The following MTRR variants were observed in gnomAD, a reference collection of about 807,000 sequenced individuals.
The protein encoded by MTRR is methionine synthase reductase.
A neutral mutation model predicts 79.2 loss-of-function variants in MTRR; 63 were observed. The ratio of observed to expected loss-of-function variants is 0.80; its 90% CI spans 0.65 to 0.98. The LOEUF is 0.98. Ranked by LOEUF, MTRR falls within the 50% of genes least tolerant of loss-of-function variation. MTRR has a pLI of 0.00. For missense variants in MTRR, 895 were observed against 839.6 expected (o/e 1.07, Z -0.82); for synonymous variants, 355 against 313.3 (o/e 1.13, Z -1.41).
At chr5:7,867,115 C>T, upstream of MTRR, 1 of 1,614,150 alleles carries the variant, frequency 6.2e-7, no homozygotes. Context: ...GGACATGCCT[C>T]ACGACATATT....
intron 4 of MTRR, 72 bp downstream of exon 4, chr5:7,875,447 C>T: frequency 5.5e-6 from 7 of 1,268,282 alleles, no homozygotes; most frequent in Non-Finnish European, 8.1e-6. Context: ...TAAAACATGT[C>T]AGCTTTTCAC....
Position 7,877,873 on chromosome 5 carries a change from A to G in MTRR, c.402-71A>G, listed in dbSNP as rs1033156852. The G allele has an allele frequency of 6.9e-6, 11 of 1,595,416 alleles. No individual in the cohort carries two copies. In the South Asian group the frequency reaches 1.0e-4, roughly 14 times the overall value. On this transcript the variant is annotated intron_variant, in intron 4 of 14. Coordinates refer to ENST00000440940, the MANE Select transcript of MTRR (RefSeq NM_002454.3). Reference sequence around the variant, plus strand: ...TACTTTGCCAAATGGACAGACTGTCATTATCCTGTTCTGTGTTCAGATGGA... The same window carrying G: ...TACTTTGCCAAATGGACAGACTGTCGTTATCCTGTTCTGTGTTCAGATGGA...
At position 7,899,854 on chromosome 5, in the gene MTRR, A is replaced by T. The variant is rs1739192971; in HGVS notation, c.1953-60A>T. 8 of 1,593,404 alleles carry T rather than the reference A, an allele frequency of 5.0e-6. No homozygotes were observed. In the South Asian group the frequency reaches 5.5e-5, roughly 11 times the overall value. On this transcript the variant is annotated intron_variant, in intron 14 of 14. Coordinates refer to ENST00000440940, the MANE Select transcript of MTRR (RefSeq NM_002454.3). Reference sequence around the variant, plus strand: ...TCAAAAGGAATTAGACTTGTGAATTAAGGAGGATTTACTAAAAATGCCTGT... The same window carrying T: ...TCAAAAGGAATTAGACTTGTGAATTTAGGAGGATTTACTAAAAATGCCTGT...
At chr5:7,878,564 G>C (rs1428726901) in intron 5 of MTRR, among the ~76,000 whole-genome samples, 1 of 152,256 alleles carries the variant, frequency 6.6e-6, no homozygotes, top group Non-Finnish European at 1.5e-5. Context: ...ACAGGGGCCT[G>C]CAATGCCTAA....
rs1244377395 is a variant in MTRR at position 7,900,556 on chromosome 5, A to C, written c.*498A>C. On this transcript the variant is annotated 3_prime_UTR_variant, in exon 15 of 15. Coordinates refer to ENST00000440940, the MANE Select transcript of MTRR (RefSeq NM_002454.3). ...TGTAGAGCATATCTGTTATATGTTT[A>C]TGTAACTATCAAATGGTTATTTGTT... 1.9e-5 allele frequency: 3 copies of C among 155,706 alleles called. No individual in the cohort carries two copies. Among genetic ancestry groups the C allele is most frequent in the Non-Finnish European group, 4.3e-5 (3 of 69,862 alleles). The allele number at this position is 155,706 out of a possible 1,614,324, so 9.6% of individuals were successfully genotyped here. A position where few individuals can be genotyped will look rare whatever the true frequency, so the allele number is the denominator to read the frequency against.
At chr5:7,866,008 T>A (rs1319960569), upstream of MTRR, 1 of 1,570,118 alleles carries the variant, frequency 6.4e-7, no homozygotes, top group South Asian at 1.1e-5. Flanking sequence ...ATCCCAGTCA[T>A]AGTTACGTCT....
intron 1 of MTRR, among the ~76,000 whole-genome samples, chr5:7,855,168 G>C (rs1746203479): frequency 6.6e-6 from 1 of 152,144 alleles, no homozygotes; most frequent in Non-Finnish European, 1.5e-5. Context: ...ATCTCTAAAA[G>C]TCATACGTGG....
intron 14 of MTRR, among the ~76,000 whole-genome samples, chr5:7,897,903 C>T (rs1338694637): frequency 6.6e-6 from 1 of 150,652 alleles, no homozygotes; most frequent in African/African-American, 2.4e-5. Flanking sequence ...TTAACACATT[C>T]TCTAAGTCAG....
intron 1 of MTRR, chr5:7,861,697 A>C: frequency 6.3e-7 from 1 of 1,585,534 alleles, no homozygotes; most frequent in Non-Finnish European, 8.6e-7. Context: ...ATACCCTCAC[A>C]AACACTATCT....
chr5:7,896,752 G>A (rs192514197), intron 12 of MTRR, 112 bp from the exon 13 acceptor site: 17 of 850,546 alleles, frequency 2.0e-5, no homozygotes, highest in Non-Finnish European at 3.2e-5. Flanking sequence ...TTCAAATGCA[G>A]AGATGGATTT....
chr5:7,860,723 G>T (rs994989383), intron 1 of MTRR, among the ~76,000 whole-genome samples: 1 of 152,120 alleles, frequency 6.6e-6, no homozygotes, highest in Non-Finnish European at 1.5e-5. Context: ...AAGCCAGTTG[G>T]GCCTTGAAAA....
At chr5:7,855,650 A>G (rs1746225235) in intron 1 of MTRR, among the ~76,000 whole-genome samples, 1 of 152,120 alleles carries the variant, frequency 6.6e-6, no homozygotes, top group Admixed American at 6.5e-5. Context: ...CCACTGAGCC[A>G]GCTTTTCTTT....
chr5:7,869,095 G>C, upstream of MTRR: 1 of 1,609,310 alleles, frequency 6.2e-7, no homozygotes, highest in East Asian at 2.2e-5. Flanking sequence ...ATTGGCCCAG[G>C]TCCCCTTCGG....
chr5:7,886,474 G>A, intron 7 of MTRR, 141 bp from the exon 8 acceptor site: 1 of 629,648 alleles, frequency 1.6e-6, no homozygotes, highest in Non-Finnish European at 2.8e-6. Context: ...AATTTTTTTG[G>A]CTGAATAAAC....
At chr5:7,879,461 TCAAA>T (rs1167812356) in intron 5 of MTRR, among the ~76,000 whole-genome samples, 28 of 40,448 alleles carry the variant, frequency 6.9e-4, no homozygotes, top group African/African-American at 3.0e-3. Context: ...AGACTCCGTC[TCAAA>T]AAAAAAAAAA....
chr5:7,890,083 T>C lies in MTRR; in HGVS notation c.1327+808T>C, dbSNP rs114452932. ...CTTTCTTGTGCTTGTAACTTTGTCA[T>C]CTCCTTTCCCATAGTGGTAAGTAGT... On this transcript the variant is annotated intron_variant, in intron 9 of 14. Transcript: ENST00000440940. 7.9e-3 allele frequency among the ~76,000 whole-genome samples: 1,206 copies of C among 152,322 alleles called. 15 individuals carry two copies. The highest frequency in any genetic ancestry group is 0.027 in the African/African-American group (1,143 of 41,570).
chr5:7,865,216 C>T (rs532878456), upstream of MTRR, among the ~76,000 whole-genome samples: 2 of 151,986 alleles, frequency 1.3e-5, no homozygotes, highest in African/African-American at 2.4e-5. Context: ...GGTAAGAGAT[C>T]GGGGTTAACT....
chr5:7,861,167 G>C, intron 1 of MTRR: 1 of 1,605,768 alleles, frequency 6.2e-7, no homozygotes, highest in East Asian at 2.2e-5. Context: ...CTTGATAACC[G>C]AGTAACTGTA....
intron 6 of MTRR, among the ~76,000 whole-genome samples, chr5:7,884,555 G>A (rs957179752): frequency 5.3e-5 from 8 of 151,648 alleles, no homozygotes; most frequent in African/African-American, 1.9e-4. Context: ...TTCAGGTTTG[G>A]TTGATTCTGA....
Sources: allele counts gnomAD v4.1 joint callset (sites outside exome capture counted in the v4.1 genomes callset), GRCh38; gene constraint gnomAD v4.1.1; transcripts MANE v1.5; gene names NCBI Gene and HGNC (gene_info 2026-07-23, HGNC 2026-07-21).